DPY19L3: variants seen among roughly 807,000 people sequenced by gnomAD.
The protein encoded by DPY19L3 is protein C-mannosyl-transferase DPY19L3.
In DPY19L3, 51 loss-of-function variants were observed where a neutral mutation model predicts 92.3. The observed-to-expected ratio is 0.55, with a 90% CI of 0.44 to 0.70. DPY19L3 has a LOEUF of 0.70. DPY19L3 is among the 30% of genes least tolerant of loss of function. DPY19L3 has a pLI of 0.00. For synonymous variants in DPY19L3, 309 were observed against 315.2 expected, an observed-to-expected ratio of 0.98 and a Z score of 0.21; for missense variants, 706 against 855.9, an observed-to-expected ratio of 0.82 and a Z score of 2.18.
intron 3 of DPY19L3, among the ~76,000 whole-genome samples, chr19:32,425,716 A>T (rs1968738565): frequency 6.6e-6 from 1 of 152,084 alleles, no homozygotes; most frequent in African/African-American, 2.4e-5. Flanking sequence ...TCTGTGTAGT[A>T]GATCTCAACA....
chr19:32,460,101 A>G (rs185728772), intron 12 of DPY19L3, among the ~76,000 whole-genome samples: 114 of 152,262 alleles, frequency 7.5e-4, no homozygotes, highest in African/African-American at 2.5e-3. Flanking sequence ...ATATCTAAAC[A>G]TAGAATAGGT....
intron 8 of DPY19L3, among the ~76,000 whole-genome samples, chr19:32,450,989 C>T (rs768549640): frequency 1.4e-4 from 22 of 152,096 alleles, no homozygotes; most frequent in Non-Finnish European, 2.4e-4. Context: ...TATTAAGTGC[C>T]GCTCTTCTAG....
At chr19:32,409,902 A>T (rs752026029) in intron 2 of DPY19L3, among the ~76,000 whole-genome samples, 2 of 152,186 alleles carry the variant, frequency 1.3e-5, no homozygotes, top group Non-Finnish European at 2.9e-5. Context: ...ATCACATTTC[A>T]TCATGAGATT....
At chr19:32,447,799 ATTCATAGATAGATAGATTAG>A (rs1969556938) in intron 8 of DPY19L3, among the ~76,000 whole-genome samples, 10 of 96,578 alleles carry the variant, frequency 1.0e-4, no homozygotes, top group African/African-American at 5.0e-4. Flanking sequence ...ACTCCATCTC[ATTCATAGATAGATAGATTAG>A]ATAGATAGAT....
intron 3 of DPY19L3, among the ~76,000 whole-genome samples, chr19:32,431,604 T>C (rs930312906): frequency 6.6e-6 from 1 of 152,198 alleles, no homozygotes; most frequent in Non-Finnish European, 1.5e-5. Flanking sequence ...TGCATATATA[T>C]AATGAGAAAT....
chr19:32,427,548 A>G (rs1968808387), intron 3 of DPY19L3, among the ~76,000 whole-genome samples: 1 of 152,236 alleles, frequency 6.6e-6, no homozygotes, highest in Non-Finnish European at 1.5e-5. Flanking sequence ...GAGACTTTAG[A>G]ATAGATAGGG....
intron 3 of DPY19L3, chr19:32,411,592 G>T (rs1968185047): frequency 2.2e-6 from 1 of 453,768 alleles, no homozygotes; most frequent in Admixed American, 4.0e-5. Context: ...TTTTGAGATG[G>T]AGTCTCACTC....
intron 3 of DPY19L3, among the ~76,000 whole-genome samples, chr19:32,413,444 C>A (rs1599585509): frequency 6.7e-6 from 1 of 148,754 alleles, no homozygotes; most frequent in East Asian, 2.0e-4. Flanking sequence ...AAGAATAATT[C>A]TTTTTTTTTT....
intron 16 of DPY19L3, among the ~76,000 whole-genome samples, chr19:32,469,446 A>C (rs377666027): frequency 6.6e-6 from 1 of 151,920 alleles, no homozygotes; most frequent in African/African-American, 2.4e-5. Context: ...CAGTGAGTCA[A>C]GATCGCGCTA....
chr19:32,432,379 T>C (rs1653640500), intron 3 of DPY19L3, among the ~76,000 whole-genome samples: 2 of 152,318 alleles, frequency 1.3e-5, no homozygotes, highest in African/African-American at 2.4e-5. Context: ...AGCTTTTAGG[T>C]AGGTGTCTAA....
intron 15 of DPY19L3, among the ~76,000 whole-genome samples, chr19:32,466,452 C>T (rs1970203520): frequency 6.6e-6 from 1 of 152,228 alleles, no homozygotes; most frequent in East Asian, 1.9e-4. Context: ...GAATTCTTTG[C>T]CGCTGGGGGC....
chr19:32,452,143 A>G (rs966423081), intron 8 of DPY19L3, among the ~76,000 whole-genome samples: 16 of 152,158 alleles, frequency 1.1e-4, no homozygotes, highest in Admixed American at 9.8e-4. Context: ...ATTTTCATCC[A>G]TTACCATGTC....
At position 32,432,814 on chromosome 19, in the gene DPY19L3, C is replaced by A; in HGVS notation, c.328+8C>A. The A allele has an allele frequency of 6.2e-7, 1 of 1,612,610 alleles. No homozygotes were observed. The highest frequency in any genetic ancestry group is 1.3e-5 in the African/African-American group (1 of 74,962). On this transcript the variant is annotated splice_region_variant and intron_variant, in intron 4 of 18. Transcript: ENST00000392250. ...CTCCAACCCTCGTGCAAGGTAATTA[C>A]AACTGATAGTTTCATTTGGGGTCTC...
chr19:32,440,218 C>T (rs1347211817), intron 8 of DPY19L3, among the ~76,000 whole-genome samples: 1 of 152,144 alleles, frequency 6.6e-6, no homozygotes. Context: ...TTTAAAATGT[C>T]TTACTGTGTA....
At chr19:32,438,435 A>T (rs1010692230) in intron 6 of DPY19L3, among the ~76,000 whole-genome samples, 1 of 152,162 alleles carries the variant, frequency 6.6e-6, no homozygotes, top group Non-Finnish European at 1.5e-5. Flanking sequence ...ACATCTATAT[A>T]TATTTCTTTT....
At chr19:32,477,387 C>A in intron 16 of DPY19L3, 135 bp from the exon 17 acceptor site, 1 of 1,177,252 alleles carries the variant, frequency 8.5e-7, no homozygotes, top group Non-Finnish European at 1.2e-6. Context: ...CCGAAGCAAA[C>A]TCCCGTTTTT....
chr19:32,478,235 C>T (rs1359674780), intron 17 of DPY19L3, among the ~76,000 whole-genome samples: 6 of 152,064 alleles, frequency 3.9e-5, no homozygotes, highest in Admixed American at 6.5e-5. Context: ...CTCCCCAGGT[C>T]GGGACCTCTG....
rs1374245055 is a variant in DPY19L3 at position 32,480,534 on chromosome 19, C to G, written c.1966C>G (p.Leu656Val). The change falls in exon 18 of 19, where the codon CTG becomes GTG. Residue 656 changes from leucine (L) to valine (V), a missense_variant. Transcript: ENST00000392250. ...RHRRGCRLRD[L>V]LDIANGHMMD... ...CCGCCGGGGCTGCCGACTCCGGGAC[C>G]TGCTGGACATTGCCAACGGCCACGT... 3 of 1,613,588 alleles carry G rather than the reference C, an allele frequency of 1.9e-6. No homozygotes were observed. Among genetic ancestry groups the G allele is most frequent in the African/African-American group, 1.3e-5 (1 of 75,046 alleles).
chr19:32,472,319 C>G (rs1297979721), intron 16 of DPY19L3, among the ~76,000 whole-genome samples: 1 of 152,004 alleles, frequency 6.6e-6, no homozygotes, highest in Non-Finnish European at 1.5e-5. Context: ...AAGTCAGGGC[C>G]CCAGGCTGCG....
Sources: allele counts gnomAD v4.1 joint callset (sites outside exome capture counted in the v4.1 genomes callset), GRCh38; gene constraint gnomAD v4.1.1; transcripts MANE v1.5; gene names NCBI Gene and HGNC (gene_info 2026-07-23, HGNC 2026-07-21).